Variants in NDRG3 observed in about 807,000 individuals in gnomAD.
NDRG3 encodes the protein NDRG family member 3.
NDRG3 carries 23 observed loss-of-function variants against 57.2 expected under a neutral mutation model. That is an observed-to-expected ratio of 0.40 (90% CI 0.29 to 0.57). The LOEUF is 0.57. Among genes scored for constraint, NDRG3 ranks in the 20% least tolerant of loss-of-function variants. The pLI, the probability that NDRG3 is intolerant of heterozygous loss-of-function variation, is 0.42. For synonymous variants in NDRG3, 132 were observed against 162.6 expected, an observed-to-expected ratio of 0.81 and a Z score of 1.43; for missense variants, 384 against 457.3, an observed-to-expected ratio of 0.84 and a Z score of 1.46.
At chr20:36,660,070 T>C (rs540525586) in intron 13 of NDRG3, among the ~76,000 whole-genome samples, 23 of 151,594 alleles carry the variant, frequency 1.5e-4, no homozygotes, top group Non-Finnish European at 2.9e-4. Flanking sequence ...TAGCCGGGCA[T>C]GGTGGCACGT....
intron 8 of NDRG3, among the ~76,000 whole-genome samples, chr20:36,677,494 G>A (rs995113738): frequency 2.0e-5 from 3 of 152,348 alleles, no homozygotes; most frequent in Admixed American, 2.0e-4. Flanking sequence ...AGCCAGCGCA[G>A]GGTAGAGGAT....
intron 2 of NDRG3, among the ~76,000 whole-genome samples, chr20:36,715,010 A>G (rs60970032): frequency 0.023 from 610 of 27,038 alleles, 2 homozygotes; most frequent in Non-Finnish European, 0.03. Flanking sequence ...GTGTGTGTAT[A>G]TATATATATA....
chr20:36,726,627 T>C lies in NDRG3; in HGVS notation c.-48-4844A>G, dbSNP rs554081238. Among the ~76,000 whole-genome samples, 3 of 152,330 alleles carry C rather than the reference T, an allele frequency of 2.0e-5. No homozygotes were observed. In the East Asian group the frequency reaches 5.8e-4, roughly 29 times the overall value. On this transcript the variant is annotated intron_variant, in intron 1 of 15. Transcript: ENST00000349004. ...AGTTCCGGCATCTGTACAAATGGTA[T>C]GGCTGCCAGATCCCATACAGGTACT...
chr20:36,671,903 C>A (rs967694665), intron 8 of NDRG3, among the ~76,000 whole-genome samples: 8 of 151,940 alleles, frequency 5.3e-5, no homozygotes, highest in Non-Finnish European at 1.2e-4. Flanking sequence ...AAAACTAAGT[C>A]TCCTTTGCAG....
chr20:36,691,413 G>A (rs1467647729), intron 3 of NDRG3, among the ~76,000 whole-genome samples: 1 of 152,140 alleles, frequency 6.6e-6, no homozygotes, highest in African/African-American at 2.4e-5. Flanking sequence ...CTGTGAAACT[G>A]GCTATGAAAT....
intron 13 of NDRG3, among the ~76,000 whole-genome samples, chr20:36,660,084 T>C (rs1979030345): frequency 6.6e-6 from 1 of 151,862 alleles, no homozygotes; most frequent in Admixed American, 6.6e-5. Context: ...GGCACGTGCC[T>C]GTAGTCCCAG....
chr20:36,671,452 A>C (rs1048440367), intron 8 of NDRG3, 55 bp from the exon 9 acceptor site: 2 of 1,366,662 alleles, frequency 1.5e-6, no homozygotes, highest in African/African-American at 1.4e-5. Context: ...AAATTTATCA[A>C]GCTGCCCAAT....
intron 6 of NDRG3, among the ~76,000 whole-genome samples, 199 bp from the exon 7 acceptor site, chr20:36,682,777 C>T (rs1382292469): frequency 2.0e-5 from 3 of 152,180 alleles, no homozygotes; most frequent in East Asian, 1.9e-4. Flanking sequence ...CTCAGCTGGG[C>T]GCAGTGGCTT....
At chr20:36,711,295 T>TA (rs1555804308) in intron 2 of NDRG3, among the ~76,000 whole-genome samples, 23 of 150,224 alleles carry the variant, frequency 1.5e-4, no homozygotes, top group South Asian at 4.2e-4. Context: ...AAAATAATAA[T>TA]AATAAATAAA....
chr20:36,659,170 C>T (rs1044002776), intron 13 of NDRG3, among the ~76,000 whole-genome samples: 3 of 152,064 alleles, frequency 2.0e-5, no homozygotes, highest in African/African-American at 4.8e-5. Flanking sequence ...AGACTGCTCT[C>T]GAACTCCTGG....
intron 2 of NDRG3, among the ~76,000 whole-genome samples, chr20:36,714,118 C>T (rs180722491): frequency 9.2e-5 from 14 of 151,988 alleles, no homozygotes; most frequent in Middle Eastern, 3.4e-3. Context: ...GGGCCGTGCG[C>T]GGTGGCTCAT....
chr20:36,691,470 T>G (rs975837905), intron 3 of NDRG3, among the ~76,000 whole-genome samples: 4 of 152,170 alleles, frequency 2.6e-5, no homozygotes, highest in African/African-American at 9.7e-5. Flanking sequence ...TCCCAGCACT[T>G]TGGGAGGCCG....
chr20:36,666,319 T>G lies in NDRG3; in HGVS notation c.662A>C (p.Asn221Thr). The G allele has an allele frequency of 5.6e-6, 9 of 1,614,030 alleles. No individual in the cohort carries two copies. Among genetic ancestry groups the G allele is most frequent in the Non-Finnish European group, 7.6e-6 (9 of 1,179,894 alleles). Residue 221 changes from asparagine to threonine, a missense_variant, in exon 10 of 16, where the codon AAC (asparagine) becomes ACC (threonine). Physicochemically the swap from Asn to Thr is moderately conservative, Grantham distance 65. Transcript: ENST00000349004. ...GTAGGAATTCAAGAAGAGCTGCAGG[T>G]TGTCTTGGTTGATGTCTTGGGCAAT... Reference protein sequence around the residue: ...MHIAQDINQDNLQLFLNSYNG... With the variant: ...MHIAQDINQDTLQLFLNSYNG...
At chr20:36,654,131 G>A (rs945958275) in intron 15 of NDRG3, among the ~76,000 whole-genome samples, 4 of 152,184 alleles carry the variant, frequency 2.6e-5, no homozygotes, top group Admixed American at 6.5e-5. Context: ...CCGATACAAC[G>A]AGACTACCAT....
At chr20:36,716,575 A>T (rs1030131955) in intron 2 of NDRG3, among the ~76,000 whole-genome samples, 1 of 151,606 alleles carries the variant, frequency 6.6e-6, no homozygotes, top group Non-Finnish European at 1.5e-5. Context: ...CTACTGTAAC[A>T]ACCAAAACAA....
intron 1 of NDRG3, among the ~76,000 whole-genome samples, chr20:36,738,588 C>T (rs1397422735): frequency 4.6e-5 from 7 of 151,204 alleles, no homozygotes; most frequent in Non-Finnish European, 7.4e-5. Flanking sequence ...TTTGGGAGGC[C>T]GGGGTGGGCG....
Position 36,680,685 on chromosome 20 carries a change from T to C in NDRG3, c.531+131A>G, listed in dbSNP as rs150597160. On this transcript the variant is annotated intron_variant, in intron 8 of 15. Transcript: ENST00000349004. ...ATATCTTGATTGGATGGTGATTTTA[T>C]ATGTAAACATTCTTCAAGCTATATA... 7.0e-4 allele frequency: 431 copies of C among 617,098 alleles called. 1 individual carries two copies. In the African/African-American group the frequency reaches 7.5e-3, roughly 11 times the overall value. 38.2% of individuals were successfully genotyped at this position (617,098 alleles called of 1,614,324 possible).
chr20:36,705,332 AAAAAGAAAAGAAAAG>A lies in NDRG3; in HGVS notation c.93+1625_93+1639del, dbSNP rs567820465. ...GCAAGACTCTGTCTCAAAAAAAAAAAAAAAGAAAAGAAAAGAAAAGAAAAGAAAAAAAACCCATCT... is the reference window on the plus strand; with the variant it reads ...GCAAGACTCTGTCTCAAAAAAAAAAAAAAAGAAAAGAAAAAAAACCCATCT... On this transcript the variant is annotated intron_variant, in intron 3 of 15. Transcript: ENST00000349004. Among the ~76,000 whole-genome samples, 7 of 150,228 alleles carry A rather than the reference AAAAAGAAAAGAAAAG, an allele frequency of 4.7e-5. No individual in the cohort carries two copies. The East Asian group carries it at 9.7e-4, about 21-fold the overall frequency.
chr20:36,707,960 T>C (rs1983642002), intron 2 of NDRG3, among the ~76,000 whole-genome samples: 1 of 152,018 alleles, frequency 6.6e-6, no homozygotes, highest in Non-Finnish European at 1.5e-5. Context: ...GGTGTGCACC[T>C]GTAATCCCAG....
Sources: gnomAD v4.1 joint callset for allele counts (sites outside exome capture counted in the v4.1 genomes callset) on GRCh38, gnomAD v4.1.1 for gene constraint, MANE v1.5 for transcripts, NCBI Gene and HGNC (gene_info 2026-07-23, HGNC 2026-07-21) for gene names.